Variants in USH2A observed in about 807,000 individuals in gnomAD.
USH2A encodes the protein usherin.
USH2A carries 443 observed loss-of-function variants against 538.9 expected under a neutral mutation model. The ratio of observed to expected loss-of-function variants is 0.82; its 90% CI spans 0.76 to 0.89. The LOEUF is 0.89. Among genes scored for constraint, USH2A ranks in the 40% least tolerant of loss-of-function variants. The probability of loss-of-function intolerance (pLI) is 0.00; values close to 1 mark genes in which losing one functional copy is unlikely to be tolerated. For synonymous variants in USH2A, 2,413 were observed against 2,273.5 expected (o/e 1.06, Z -1.75); for missense variants, 6,633 against 6,324.8 (o/e 1.05, Z -1.65).
intron 32 of USH2A, among the ~76,000 whole-genome samples, chr1:216,040,579 A>G (rs902435291): frequency 2.0e-5 from 3 of 152,138 alleles, no homozygotes; most frequent in Non-Finnish European, 4.4e-5. Flanking sequence ...AATAAGAATA[A>G]TCTGTGGCTA....
chr1:215,784,283 G>A lies in USH2A; in HGVS notation c.10388-1348C>T, dbSNP rs560371923. Among the ~76,000 whole-genome samples, 3 of 152,254 alleles carry A rather than the reference G, an allele frequency of 2.0e-5. No homozygotes were observed. In the East Asian group the frequency reaches 5.8e-4, roughly 29 times the overall value. On this transcript the variant is annotated intron_variant, in intron 52 of 71. Transcript: ENST00000307340. ...ATAAAGAGAAAATTGCATACCTTCG[G>A]TTGCCATTCTGGATTCTGGATACCT...
intron 32 of USH2A, among the ~76,000 whole-genome samples, chr1:216,006,696 C>A (rs1412124725): frequency 1.3e-5 from 2 of 152,130 alleles, no homozygotes; most frequent in Non-Finnish European, 2.9e-5. Flanking sequence ...CTTCTCCTTT[C>A]ATAGTTTGGA....
At chr1:216,372,308 A>G (rs2038729115) in intron 3 of USH2A, among the ~76,000 whole-genome samples, 1 of 152,002 alleles carries the variant, frequency 6.6e-6, no homozygotes, top group South Asian at 2.1e-4. Flanking sequence ...ACTTCTCTCC[A>G]TTCCCACACC....
chr1:216,398,848 G>A (rs934335002), intron 3 of USH2A, among the ~76,000 whole-genome samples: 1 of 152,138 alleles, frequency 6.6e-6, no homozygotes, highest in African/African-American at 2.4e-5. Flanking sequence ...TCTAACTGTA[G>A]GTAGGGGTGG....
intron 3 of USH2A, among the ~76,000 whole-genome samples, chr1:216,399,581 T>C (rs2039273612): frequency 6.6e-6 from 1 of 152,020 alleles, no homozygotes; most frequent in Non-Finnish European, 1.5e-5. Flanking sequence ...GGAGGAGGGT[T>C]ACTTGACACT....
intron 40 of USH2A, among the ~76,000 whole-genome samples, chr1:215,889,503 ATC>A (rs1352188098): frequency 6.6e-6 from 1 of 152,102 alleles, no homozygotes; most frequent in Non-Finnish European, 1.5e-5. Context: ...ATCCTTCAGC[ATC>A]TCTCATTATA....
chr1:216,095,655 A>C (rs984285041), intron 22 of USH2A, among the ~76,000 whole-genome samples: 2 of 152,196 alleles, frequency 1.3e-5, no homozygotes, highest in African/African-American at 4.8e-5. Flanking sequence ...CTGTCAAGTC[A>C]TGAGGAGGGA....
intron 14 of USH2A, among the ~76,000 whole-genome samples, chr1:216,231,533 C>T (rs2035692993): frequency 7.1e-6 from 1 of 140,586 alleles, no homozygotes; most frequent in Non-Finnish European, 1.5e-5. Flanking sequence ...GAACAAAAAA[C>T]ATATCAATAA....
At chr1:215,854,206 G>A (rs1434641364) in intron 44 of USH2A, among the ~76,000 whole-genome samples, 1 of 152,164 alleles carries the variant, frequency 6.6e-6, no homozygotes, top group African/African-American at 2.4e-5. Context: ...CAAGAAAAGA[G>A]AGTTTGTGCA....
chr1:216,166,716 A>G (rs993300378), intron 21 of USH2A, among the ~76,000 whole-genome samples: 3 of 152,150 alleles, frequency 2.0e-5, no homozygotes, highest in Non-Finnish European at 4.4e-5. Context: ...AGTGATATTC[A>G]CTGTAGATGG....
chr1:215,764,122 A>G (rs1661061767), intron 56 of USH2A, among the ~76,000 whole-genome samples: 3 of 152,324 alleles, frequency 2.0e-5, no homozygotes, highest in South Asian at 4.1e-4. Context: ...ATTTAAATCC[A>G]TAAGTGTAGC....
chr1:215,892,494 CT>C (rs1665234686), intron 40 of USH2A, among the ~76,000 whole-genome samples: 1 of 151,974 alleles, frequency 6.6e-6, no homozygotes, highest in Non-Finnish European at 1.5e-5. Flanking sequence ...TCAATGTAGC[CT>C]TTTGTTATTC....
At chr1:215,964,404 C>G (rs992856046) in intron 37 of USH2A, among the ~76,000 whole-genome samples, 2 of 152,136 alleles carry the variant, frequency 1.3e-5, no homozygotes, top group Non-Finnish European at 1.5e-5. Flanking sequence ...AAATAACCAC[C>G]CTTTTCAAAT....
intron 4 of USH2A, among the ~76,000 whole-genome samples, chr1:216,363,805 T>G (rs994420928): frequency 3.3e-5 from 5 of 151,904 alleles, no homozygotes; most frequent in Admixed American, 2.0e-4. Flanking sequence ...TGAAACGTTG[T>G]TTATAACATT....
intron 3 of USH2A, among the ~76,000 whole-genome samples, chr1:216,416,652 G>A (rs1461910233): frequency 2.0e-5 from 3 of 152,098 alleles, no homozygotes; most frequent in Admixed American, 2.0e-4. Flanking sequence ...AAATGATAAT[G>A]CTGATTTCAG....
chr1:215,708,277 C>A (rs1659239960), intron 61 of USH2A, among the ~76,000 whole-genome samples: 3 of 152,228 alleles, frequency 2.0e-5, no homozygotes, highest in Non-Finnish European at 4.4e-5. Flanking sequence ...AGAGTAAGAG[C>A]TTCAAGAGGG....
intron 41 of USH2A, among the ~76,000 whole-genome samples, chr1:215,885,889 T>C (rs1041048411): frequency 6.6e-6 from 1 of 152,220 alleles, no homozygotes; most frequent in Non-Finnish European, 1.5e-5. Flanking sequence ...TCAGCTGGCA[T>C]TCCATATTTC....
intron 32 of USH2A, among the ~76,000 whole-genome samples, chr1:216,031,036 G>T (rs1450899737): frequency 1.3e-5 from 2 of 151,660 alleles, no homozygotes; most frequent in South Asian, 2.1e-4. Flanking sequence ...TAATATCCCT[G>T]ATATCTGTGT....
At chr1:216,383,251 G>GT in intron 3 of USH2A, among the ~76,000 whole-genome samples, 1 of 152,100 alleles carries the variant, frequency 6.6e-6, no homozygotes, top group Non-Finnish European at 1.5e-5. Context: ...TTGTTCATGG[G>GT]TACAGGCATT....
Sources: allele counts gnomAD v4.1 joint callset (sites outside exome capture counted in the v4.1 genomes callset), GRCh38; gene constraint gnomAD v4.1.1; transcripts MANE v1.5; gene names NCBI Gene and HGNC (gene_info 2026-07-23, HGNC 2026-07-21).